The following ROBO1 variants were observed in gnomAD, a reference collection of about 807,000 sequenced individuals.
ROBO1 encodes the protein roundabout guidance receptor 1, also known as roundabout homolog 1.
ROBO1 carries 149 observed loss-of-function variants against 195.9 expected under a neutral mutation model. The ratio of observed to expected loss-of-function variants is 0.76; its 90% CI spans 0.67 to 0.87. ROBO1 has a LOEUF of 0.87. ROBO1 is among the 40% of genes least tolerant of loss of function. ROBO1 has a pLI of 0.00. For synonymous variants in ROBO1, 816 were observed against 733.2 expected (o/e 1.11, Z -1.82); for missense variants, 1,933 against 2,068.3 (o/e 0.93, Z 1.27).
At chr3:79,233,781 G>A (rs1228151591) in intron 2 of ROBO1, among the ~76,000 whole-genome samples, 1 of 151,994 alleles carries the variant, frequency 6.6e-6, no homozygotes, top group Non-Finnish European at 1.5e-5. Flanking sequence ...TCTCCACAGT[G>A]GCTGAACTAA....
intron 4 of ROBO1, among the ~76,000 whole-genome samples, chr3:78,889,290 C>T (rs1327575183): frequency 2.0e-5 from 3 of 152,308 alleles, no homozygotes; most frequent in Admixed American, 6.5e-5. Context: ...CAGTTTCTCA[C>T]ATATGCCAGA....
At chr3:79,566,576 G>T (rs1219483236) in intron 2 of ROBO1, among the ~76,000 whole-genome samples, 1 of 151,972 alleles carries the variant, frequency 6.6e-6, no homozygotes, top group Middle Eastern at 3.2e-3. Flanking sequence ...ACCAGAGAGG[G>T]GGGATCCCAC....
intron 4 of ROBO1, among the ~76,000 whole-genome samples, chr3:78,799,155 G>T (rs2084277695): frequency 6.6e-6 from 1 of 151,984 alleles, no homozygotes; most frequent in African/African-American, 2.4e-5. Context: ...TTTGTAGGTG[G>T]GAGAAACATA....
chr3:78,747,486 T>C (rs2082685531), intron 4 of ROBO1, among the ~76,000 whole-genome samples: 1 of 152,158 alleles, frequency 6.6e-6, no homozygotes, highest in African/African-American at 2.4e-5. Context: ...TTGAAACTCA[T>C]TGTGTTTTTC....
At chr3:78,897,949 T>A (rs1263457493) in intron 4 of ROBO1, among the ~76,000 whole-genome samples, 1 of 151,750 alleles carries the variant, frequency 6.6e-6, no homozygotes, top group East Asian at 1.9e-4. Context: ...ATATAGTTAG[T>A]AAACCAAAAT....
intron 5 of ROBO1, among the ~76,000 whole-genome samples, chr3:78,734,613 A>G (rs1269768455): frequency 1.4e-5 from 2 of 144,146 alleles, no homozygotes; most frequent in African/African-American, 5.1e-5. Context: ...CATTTGGGGG[A>G]AAAAAAAAAA....
intron 2 of ROBO1, among the ~76,000 whole-genome samples, chr3:79,513,998 CA>C (rs1320643462): frequency 6.6e-6 from 1 of 152,156 alleles, no homozygotes; most frequent in East Asian, 1.9e-4. Context: ...CTGATGACAA[CA>C]ACTGTGATTG....
intron 8 of ROBO1, chr3:78,693,452 C>A: frequency 1.1e-6 from 1 of 905,740 alleles, no homozygotes; most frequent in South Asian, 1.5e-5. Flanking sequence ...AACAATGATT[C>A]TTCTTTTAAG....
intron 2 of ROBO1, among the ~76,000 whole-genome samples, chr3:79,447,488 T>G (rs1233090557): frequency 6.6e-6 from 1 of 152,238 alleles, no homozygotes; most frequent in Non-Finnish European, 1.5e-5. Context: ...ATTCAAGTGC[T>G]GGATAGAGAC....
At chr3:79,334,325 T>C (rs895298609) in intron 2 of ROBO1, among the ~76,000 whole-genome samples, 1 of 145,094 alleles carries the variant, frequency 6.9e-6, no homozygotes, top group Non-Finnish European at 1.5e-5. Flanking sequence ...TATATATATA[T>C]ATATATGTGT....
At chr3:78,762,510 C>T (rs1462001580) in intron 4 of ROBO1, among the ~76,000 whole-genome samples, 3 of 151,722 alleles carry the variant, frequency 2.0e-5, no homozygotes, top group Non-Finnish European at 2.9e-5. Context: ...ATATAATAAC[C>T]GAGGATACAT....
chr3:78,813,006 AAG>A (rs767707731), intron 4 of ROBO1, among the ~76,000 whole-genome samples: 5 of 152,238 alleles, frequency 3.3e-5, no homozygotes, highest in African/African-American at 4.8e-5. Flanking sequence ...AAATTTACAG[AAG>A]AGTTTCCATA....
intron 23 of ROBO1, among the ~76,000 whole-genome samples, 171 bp downstream of exon 23, chr3:78,635,602 G>A (rs1338036679): frequency 6.6e-6 from 1 of 152,126 alleles, no homozygotes; most frequent in Non-Finnish European, 1.5e-5. Flanking sequence ...CAAGGTTATT[G>A]TTGTGCTAAT....
chr3:78,650,882 C>G (rs1035132200), intron 19 of ROBO1, among the ~76,000 whole-genome samples: 1 of 152,078 alleles, frequency 6.6e-6, no homozygotes, highest in Non-Finnish European at 1.5e-5. Flanking sequence ...CTGGGACTTA[C>G]AACCATCTAA....
intron 4 of ROBO1, among the ~76,000 whole-genome samples, chr3:78,822,128 G>A (rs904188581): frequency 7.2e-6 from 1 of 138,340 alleles, no homozygotes; most frequent in Non-Finnish European, 1.6e-5. Context: ...ACAAATGTAC[G>A]GTGTTGGTTC....
At chr3:78,827,610 A>G (rs1472767317) in intron 4 of ROBO1, among the ~76,000 whole-genome samples, 1 of 151,152 alleles carries the variant, frequency 6.6e-6, no homozygotes, top group African/African-American at 2.5e-5. Context: ...CTATCTGTCT[A>G]TCTGTAGAGA....
rs1216762057 is a variant in ROBO1 at position 79,527,779 on chromosome 3, T to C, written c.88+62045A>G. On this transcript the variant is annotated intron_variant, in intron 2 of 30. Transcript: ENST00000464233. ...ACATGGACCGCTGAGTTAGTACTGT[T>C]TGAGTTCTCTCATTCAATTTGATTT... is the stretch of plus-strand genomic sequence containing the variant. 4 of 23,832 alleles carry C rather than the reference T, an allele frequency of 1.7e-4. No individual in the cohort carries two copies. In the African/African-American group the frequency reaches 1.8e-3, roughly 10 times the overall value. The allele number at this position is 23,832 out of a possible 1,614,324, so 1.5% of individuals were successfully genotyped here.
chr3:79,001,762 A>G (rs186358031), intron 3 of ROBO1, among the ~76,000 whole-genome samples: 90 of 152,278 alleles, frequency 5.9e-4, no homozygotes, highest in African/African-American at 2.1e-3. Flanking sequence ...GAAGCAATTC[A>G]ACATTTAAAT....
chr3:79,336,349 C>T (rs983259725), intron 2 of ROBO1, among the ~76,000 whole-genome samples: 2 of 152,216 alleles, frequency 1.3e-5, no homozygotes, highest in African/African-American at 4.8e-5. Flanking sequence ...CCTCCCTGCT[C>T]TTTGTAGCTT....
Sources: allele counts gnomAD v4.1 joint callset (sites outside exome capture counted in the v4.1 genomes callset), GRCh38; gene constraint gnomAD v4.1.1; transcripts MANE v1.5; gene names NCBI Gene and HGNC (gene_info 2026-07-23, HGNC 2026-07-21).